The following NRXN3 variants were observed in gnomAD, a reference collection of about 807,000 sequenced individuals.
NRXN3 encodes neurexin III.
A neutral mutation model predicts 137.6 loss-of-function variants in NRXN3; 32 were observed. The ratio of observed to expected loss-of-function variants is 0.23; its 90% CI spans 0.18 to 0.31. The LOEUF (loss-of-function observed/expected upper bound fraction) is 0.31, where lower values mean the gene tolerates loss of function less well. Ranked by LOEUF, NRXN3 falls within the 10% of genes least tolerant of loss-of-function variation. The pLI is 1.00. For missense variants in NRXN3, 1,574 were observed against 2,062.5 expected, an observed-to-expected ratio of 0.76 and a Z score of 4.59; for synonymous variants, 798 against 784.5, an observed-to-expected ratio of 1.02 and a Z score of -0.29.
rs113078940 is a variant in NRXN3, at chr14:79,055,808, C to T, written c.3262+67667C>T. ...CATTCTAAACTCAATGAACAACATG[C>T]ACATGCACTTGGAGACAGTGCAGGT... is the stretch of plus-strand genomic sequence containing the variant. On this transcript the variant is annotated intron_variant, in intron 15 of 20. Transcript: ENST00000335750. 3.1e-3 allele frequency among the ~76,000 whole-genome samples: 470 copies of T among 152,042 alleles called. 3 individuals carry two copies. Among genetic ancestry groups the T allele is most frequent in the African/African-American group, 0.011 (455 of 41,480 alleles).
chr14:79,818,807 A>G (rs1460017779), intron 20 of NRXN3, among the ~76,000 whole-genome samples: 2 of 152,234 alleles, frequency 1.3e-5, no homozygotes, highest in South Asian at 2.1e-4. Context: ...TCACAATTAA[A>G]AAGGAAACAT....
intron 8 of NRXN3, among the ~76,000 whole-genome samples, chr14:78,778,724 TTCTTTC>T (rs1389762427): frequency 8.5e-4 from 123 of 145,146 alleles, no homozygotes; most frequent in African/African-American, 2.8e-3. Flanking sequence ...CTTTCTTTCT[TTCTTTC>T]TCTCTCTCTT....
At chr14:79,402,021 G>T (rs531220542) in intron 15 of NRXN3, among the ~76,000 whole-genome samples, 2 of 152,008 alleles carry the variant, frequency 1.3e-5, no homozygotes, top group Non-Finnish European at 2.9e-5. Flanking sequence ...GGTTTAAGCA[G>T]TCCTCCCACC....
intron 4 of NRXN3, among the ~76,000 whole-genome samples, chr14:78,583,897 G>C (rs1340878420): frequency 6.6e-6 from 1 of 152,058 alleles, no homozygotes; most frequent in African/African-American, 2.4e-5. Context: ...ATAACATACT[G>C]TCTGCCACAA....
At chr14:78,973,135 C>T (rs999484343) in intron 14 of NRXN3, among the ~76,000 whole-genome samples, 1 of 152,112 alleles carries the variant, frequency 6.6e-6, no homozygotes, top group Non-Finnish European at 1.5e-5. Flanking sequence ...AAACATGATT[C>T]CATTTTGGGG....
intron 6 of NRXN3, among the ~76,000 whole-genome samples, chr14:78,671,900 ATCAATTCAGTTGAGT>A (rs2097940026): frequency 6.6e-6 from 1 of 152,240 alleles, no homozygotes; most frequent in African/African-American, 2.4e-5. Context: ...GGAGACACTT[ATCAATTCAGTTGAGT>A]TCAATTCAGT....
At chr14:78,537,811 T>G (rs1448554899) in intron 4 of NRXN3, among the ~76,000 whole-genome samples, 1 of 152,184 alleles carries the variant, frequency 6.6e-6, no homozygotes, top group Non-Finnish European at 1.5e-5. Flanking sequence ...GGGATCCAGT[T>G]TCAGCTTTCT....
chr14:79,251,301 T>C (rs946666336), intron 15 of NRXN3, among the ~76,000 whole-genome samples: 2 of 152,214 alleles, frequency 1.3e-5, no homozygotes, highest in African/African-American at 4.8e-5. Flanking sequence ...TACTAGGGAA[T>C]GAACAGCACT....
chr14:79,768,353 C>T (rs964092729), intron 19 of NRXN3, among the ~76,000 whole-genome samples: 20 of 152,246 alleles, frequency 1.3e-4, no homozygotes, highest in Non-Finnish European at 2.5e-4. Context: ...GCAGTAACCT[C>T]TGCAGACTTA....
chr14:79,745,270 A>C (rs2098976163), intron 19 of NRXN3, among the ~76,000 whole-genome samples: 1 of 152,098 alleles, frequency 6.6e-6, no homozygotes, highest in Non-Finnish European at 1.5e-5. Context: ...TCTGTATGCA[A>C]GACCTTCTGT....
At chr14:79,778,104 T>C (rs954163083) in intron 19 of NRXN3, among the ~76,000 whole-genome samples, 1 of 152,192 alleles carries the variant, frequency 6.6e-6, no homozygotes, top group Non-Finnish European at 1.5e-5. Flanking sequence ...TCAGACAGGT[T>C]TGGCTGAATT....
intron 4 of NRXN3, among the ~76,000 whole-genome samples, chr14:78,606,148 A>G (rs1021296574): frequency 1.3e-5 from 2 of 152,200 alleles, no homozygotes; most frequent in Non-Finnish European, 2.9e-5. Flanking sequence ...AATCAAAGAC[A>G]TCTGTTCCCC....
chr14:79,330,119 C>T (rs1247850267), intron 15 of NRXN3, among the ~76,000 whole-genome samples: 1 of 151,966 alleles, frequency 6.6e-6, no homozygotes, highest in South Asian at 2.1e-4. Flanking sequence ...TGTGAGCCAC[C>T]GTGCCTCGCC....
At chr14:79,246,731 T>A (rs1186775943) in intron 15 of NRXN3, 1 of 152,202 alleles carries the variant, frequency 6.6e-6, no homozygotes, top group Non-Finnish European at 1.5e-5. Context: ...TTACAGATGA[T>A]GAGTTTTGTT....
chr14:78,461,654 G>A (rs143513478), intron 4 of NRXN3, among the ~76,000 whole-genome samples: 1 of 152,280 alleles, frequency 6.6e-6, no homozygotes, highest in Non-Finnish European at 1.5e-5. Flanking sequence ...TAGAGAAAGA[G>A]GTATTTGTAG....
intron 10 of NRXN3, among the ~76,000 whole-genome samples, chr14:78,885,930 G>C (rs1187094959): frequency 6.6e-6 from 1 of 152,062 alleles, no homozygotes; most frequent in Non-Finnish European, 1.5e-5. Flanking sequence ...GTGAGGGTTT[G>C]CTCTATAGAG....
chr14:78,601,593 C>T (rs1847548964), intron 4 of NRXN3, among the ~76,000 whole-genome samples: 1 of 151,994 alleles, frequency 6.6e-6, no homozygotes, highest in African/African-American at 2.4e-5. Context: ...GCTGGGACTA[C>T]AGGTACCCGC....
intron 4 of NRXN3, among the ~76,000 whole-genome samples, chr14:78,450,093 TA>T (rs1261949111): frequency 6.6e-6 from 1 of 152,186 alleles, no homozygotes; most frequent in Non-Finnish European, 1.5e-5. Flanking sequence ...TTAAAATGGA[TA>T]AAACAAGCAC....
At chr14:78,877,456 T>TGAGA (rs1249867106) in intron 10 of NRXN3, among the ~76,000 whole-genome samples, 2 of 152,172 alleles carry the variant, frequency 1.3e-5, no homozygotes, top group Admixed American at 1.3e-4. Context: ...TCCATTTCAG[T>TGAGA]TGATCTTCCT....
Sources: gnomAD v4.1 joint callset for allele counts (sites outside exome capture counted in the v4.1 genomes callset) on GRCh38, gnomAD v4.1.1 for gene constraint, MANE v1.5 for transcripts, NCBI Gene and HGNC (gene_info 2026-07-23, HGNC 2026-07-21) for gene names.